The following MYEF2 variants were observed in gnomAD, a reference collection of about 807,000 sequenced individuals.
MYEF2 encodes myelin gene expression factor 2.
Under a neutral mutation model 75.2 loss-of-function variants are expected in MYEF2, and 37 were observed. The observed-to-expected ratio is 0.49, with a 90% CI of 0.38 to 0.65. MYEF2 has a LOEUF of 0.65. MYEF2 is among the 30% of genes least tolerant of loss of function. The pLI is 0.00. For synonymous variants in MYEF2, 195 were observed against 241.6 expected (o/e 0.81, Z 1.79); for missense variants, 634 against 771.4 (o/e 0.82, Z 2.11).
chr15:48,153,267 TA>T, intron 10 of MYEF2: 1 of 152,266 alleles, frequency 6.6e-6, no homozygotes, highest in East Asian at 1.9e-4. Flanking sequence ...TTTTCATTTA[TA>T]ATACAGTAAA....
At chr15:48,173,406 T>C (rs1424833199) in intron 1 of MYEF2, among the ~76,000 whole-genome samples, 1 of 151,962 alleles carries the variant, frequency 6.6e-6, no homozygotes, top group Non-Finnish European at 1.5e-5. Context: ...ACAGTGAAAA[T>C]TTGAAGGTTT....
At position 48,140,734 on chromosome 15, in the gene MYEF2, C is replaced by G; in HGVS notation, c.*2174G>C. On this transcript the variant is annotated 3_prime_UTR_variant, in exon 17 of 17. Coordinates refer to ENST00000324324, the MANE Select transcript of MYEF2 (RefSeq NM_016132.5). ...AGATAGCTATAATTAATTTGCTTAA[C>G]TCTGACTAATATTTTTAAGAAAGAA... 1 of 188,820 alleles carries G rather than the reference C, an allele frequency of 5.3e-6. No individual in the cohort carries two copies. Among genetic ancestry groups the G allele is most frequent in the Non-Finnish European group, 1.1e-5 (1 of 90,578 alleles). 11.7% of individuals were successfully genotyped at this position (188,820 alleles called of 1,614,324 possible). A position where few individuals can be genotyped will look rare whatever the true frequency, so the allele number is the denominator to read the frequency against.
intron 5 of MYEF2, among the ~76,000 whole-genome samples, chr15:48,160,915 A>G (rs74777023): frequency 2.0e-5 from 3 of 152,260 alleles, no homozygotes; most frequent in Non-Finnish European, 2.9e-5. Context: ...TTCAAAACAT[A>G]TAAGTTAATA....
In MYEF2 at chr15:48,141,308, G is replaced by A. The variant is rs1360101957; in HGVS notation, c.*1600C>T. 1.7e-5 allele frequency: 17 copies of A among 1,024,682 alleles called. No individual in the cohort carries two copies. Among genetic ancestry groups the A allele is most frequent in the Non-Finnish European group, 2.3e-5 (16 of 686,546 alleles). The allele number at this position is 1,024,682 out of a possible 1,614,324, so 63.5% of individuals were successfully genotyped here. ...AAATGTTTACTTCCAGCCGGGTGTG[G>A]TGGCTCGCGCCTGTAATCCCAGGAT... On this transcript the variant is annotated 3_prime_UTR_variant, in exon 17 of 17. Transcript: ENST00000324324.
At chr15:48,163,473 A>G (rs2140904653) in intron 5 of MYEF2, among the ~76,000 whole-genome samples, 1 of 152,338 alleles carries the variant, frequency 6.6e-6, no homozygotes, top group East Asian at 1.9e-4. Context: ...TCTATAACAT[A>G]AAAGTGCAAG....
chr15:48,151,702 T>A, intron 12 of MYEF2, 131 bp from the exon 13 acceptor site: 1 of 1,158,052 alleles, frequency 8.6e-7, no homozygotes. Flanking sequence ...TTACCCAATT[T>A]ACCTCACATG....
chr15:48,153,353 C>T (rs1245812805), intron 10 of MYEF2: 1 of 152,298 alleles, frequency 6.6e-6, no homozygotes, highest in Admixed American at 6.6e-5. Flanking sequence ...AGGGTCCTAA[C>T]ACCAAAGTTT....
chr15:48,147,017 A>C (rs1249725093), intron 16 of MYEF2, among the ~76,000 whole-genome samples: 1 of 151,958 alleles, frequency 6.6e-6, no homozygotes, highest in Non-Finnish European at 1.5e-5. Flanking sequence ...AAACTTTTAC[A>C]AAAGAATTGA....
In MYEF2 at chr15:48,178,201, T is replaced by C. The variant is rs935657815; in HGVS notation, c.37A>G (p.Thr13Ala). Residue 13 changes from threonine (T) to alanine (A), a missense_variant, in exon 1 of 17, where the codon ACT becomes GCT. Thr to Ala is a moderately conservative substitution (Grantham distance 58). Coordinates refer to ENST00000324324, the MANE Select transcript of MYEF2 (RefSeq NM_016132.5). Reference protein sequence around the residue: ...DANKAEVPGATGGDSPHLQPA... With the variant: ...DANKAEVPGAAGGDSPHLQPA... The stretch of plus-strand genomic sequence containing the variant: ...TGCAGGTGCGGGCTGTCGCCACCAG[T>C]GGCCCCGGGCACCTCGGCCTTGTTG... The C allele has an allele frequency of 1.3e-6, 2 of 1,505,494 alleles. No homozygotes were observed. The highest frequency in any genetic ancestry group is 1.5e-5 in the African/African-American group (1 of 68,560). The allele number at this position is 1,505,494 out of a possible 1,614,324, so 93.3% of individuals were successfully genotyped here.
chr15:48,168,137 C>T (rs1023228602), intron 2 of MYEF2, among the ~76,000 whole-genome samples: 27 of 151,852 alleles, frequency 1.8e-4, no homozygotes, highest in African/African-American at 6.3e-4. Flanking sequence ...ACTGCAACAG[C>T]AGTAATGCAA....
At chr15:48,177,659 A>T (rs2040589461) in intron 1 of MYEF2, among the ~76,000 whole-genome samples, 1 of 146,866 alleles carries the variant, frequency 6.8e-6, no homozygotes, top group East Asian at 2.0e-4. Flanking sequence ...TCGGTGGTTA[A>T]GAGGAAATGT....
At chr15:48,167,693 T>C (rs2040179357) in intron 2 of MYEF2, among the ~76,000 whole-genome samples, 1 of 152,118 alleles carries the variant, frequency 6.6e-6, no homozygotes, top group Non-Finnish European at 1.5e-5. Flanking sequence ...CACATATACA[T>C]ACAAATGGTC....
chr15:48,161,689 G>A (rs2039948448), intron 5 of MYEF2, among the ~76,000 whole-genome samples: 3 of 151,004 alleles, frequency 2.0e-5, no homozygotes, highest in Admixed American at 2.0e-4. Flanking sequence ...TTATATGGAA[G>A]TTTATTGGAT....
In MYEF2 at chr15:48,153,789, C is replaced by T. The variant is rs758538104; in HGVS notation, c.1087+3G>A. On this transcript the variant is annotated splice_donor_region_variant and intron_variant, in intron 10 of 16. Transcript: ENST00000324324. The stretch of plus-strand genomic sequence containing the variant: ...AAAGAAAAGAGGAAGTTAGAATACT[C>T]ACCACCTGGACCTAAATTTCCCATT... 2 of 1,611,516 alleles carry T rather than the reference C, an allele frequency of 1.2e-6. No homozygotes were observed. The highest frequency in any genetic ancestry group is 1.1e-5 in the South Asian group (1 of 90,956).
Position 48,136,090 on chromosome 15 carries a change from A to T in MYEF2, c.*6818T>A, listed in dbSNP as rs2140737288. The T allele has an allele frequency of 6.6e-6, 1 of 152,302 alleles. No homozygotes were observed. The highest frequency in any genetic ancestry group is 2.1e-4 in the South Asian group (1 of 4,830). The allele number at this position is 152,302 out of a possible 1,614,324, so 9.4% of individuals were successfully genotyped here. A position where few individuals can be genotyped will look rare whatever the true frequency, so the allele number is the denominator to read the frequency against. ...TTCTTGGTTCCAAGGGTATAATTTTATATTTTAGAACATCTTGTTTTCTTG... is the reference window on the plus strand; with the variant it reads ...TTCTTGGTTCCAAGGGTATAATTTTTTATTTTAGAACATCTTGTTTTCTTG... On this transcript the variant is annotated 3_prime_UTR_variant, in exon 17 of 17. Coordinates refer to ENST00000324324, the MANE Select transcript of MYEF2 (RefSeq NM_016132.5).
chr15:48,136,610 A>T lies in MYEF2; in HGVS notation c.*6298T>A, dbSNP rs2038906303. The T allele has an allele frequency of 6.7e-6, 9 of 1,350,990 alleles. No individual in the cohort carries two copies. Among genetic ancestry groups the T allele is most frequent in the Non-Finnish European group, 9.1e-6 (9 of 985,068 alleles). The allele number at this position is 1,350,990 out of a possible 1,614,324, so 83.7% of individuals were successfully genotyped here. ...CTTTTGTTAGAAAATCATTCAATAG[A>T]TACTGCCCAAAAGCTATCAACTCTA... On this transcript the variant is annotated 3_prime_UTR_variant, in exon 17 of 17. Coordinates refer to ENST00000324324, the MANE Select transcript of MYEF2 (RefSeq NM_016132.5).
intron 16 of MYEF2, among the ~76,000 whole-genome samples, chr15:48,146,588 T>C (rs2039291913): frequency 6.6e-6 from 1 of 151,978 alleles, no homozygotes; most frequent in Non-Finnish European, 1.5e-5. Context: ...AGATAATTTA[T>C]AAGCAGAGGG....
At chr15:48,153,718 G>T (rs776565435) in intron 10 of MYEF2, 74 bp downstream of exon 10, 2 of 1,191,772 alleles carry the variant, frequency 1.7e-6, no homozygotes, top group Admixed American at 3.7e-5. Context: ...CATTATTACA[G>T]ACCACATCAA....
chr15:48,161,955 T>A (rs1258908453), intron 5 of MYEF2, among the ~76,000 whole-genome samples: 3 of 151,318 alleles, frequency 2.0e-5, no homozygotes, highest in African/African-American at 7.3e-5. Flanking sequence ...AAAATTAAGA[T>A]ACCAATATAT....
Sources: gnomAD v4.1 joint callset for allele counts (sites outside exome capture counted in the v4.1 genomes callset) on GRCh38, gnomAD v4.1.1 for gene constraint, MANE v1.5 for transcripts, NCBI Gene and HGNC (gene_info 2026-07-23, HGNC 2026-07-21) for gene names.